The following ABCB7 variants were observed in gnomAD, a reference collection of about 807,000 sequenced individuals.
ABCB7 encodes the protein ATP binding cassette subfamily B member 7, also known as iron-sulfur clusters transporter ABCB7, mitochondrial.
Under a neutral mutation model 54.4 loss-of-function variants are expected in ABCB7, and 7 were observed. The ratio of observed to expected loss-of-function variants is 0.13; its 90% CI spans 0.07 to 0.24. ABCB7 has a LOEUF of 0.24. Ranked by LOEUF, ABCB7 falls within the 10% of genes least tolerant of loss-of-function variation. ABCB7 has a pLI of 1.00. For missense variants in ABCB7, 356 were observed against 570.4 expected (o/e 0.62, Z 3.83); for synonymous variants, 218 against 207.1 (o/e 1.05, Z -0.45).
chrX:75,081,289 AG>A (rs1263902944), intron 4 of ABCB7, among the ~76,000 whole-genome samples: 1 of 112,150 alleles, frequency 8.9e-6, no homozygotes, highest in Non-Finnish European at 1.9e-5. Flanking sequence ...CCATCATAAA[AG>A]TGCTTCCAGG....
chrX:75,106,726 G>A (rs1293172639), intron 3 of ABCB7, among the ~76,000 whole-genome samples: 1 of 111,607 alleles, frequency 9.0e-6, no homozygotes, highest in Non-Finnish European at 1.9e-5. Flanking sequence ...TACTAGCAAA[G>A]TAATGGAATC....
At chrX:75,075,278 G>A in intron 6 of ABCB7, 84 bp downstream of exon 6, 2 of 1,087,959 alleles carry the variant, frequency 1.8e-6, no homozygotes, top group South Asian at 4.0e-5. Context: ...CCATGGGCAT[G>A]CAACAGTACA....
chrX:75,055,455 C>T (rs1371332187), intron 15 of ABCB7, among the ~76,000 whole-genome samples: 2 of 105,188 alleles, frequency 1.9e-5, no homozygotes, highest in Admixed American at 2.1e-4. Context: ...GCCTGTAATC[C>T]CAGTTCTTTG....
intron 14 of ABCB7, among the ~76,000 whole-genome samples, chrX:75,061,214 G>A (rs1400252259): frequency 9.0e-6 from 1 of 111,387 alleles, no homozygotes; most frequent in African/African-American, 3.3e-5. Flanking sequence ...ACATCCTACT[G>A]AAGACTCTGG....
At chrX:75,097,130 T>C (rs1440654313) in intron 4 of ABCB7, among the ~76,000 whole-genome samples, 1 of 111,767 alleles carries the variant, frequency 8.9e-6, no homozygotes, top group South Asian at 3.7e-4. Flanking sequence ...ATTAAATACA[T>C]TTTTCTGTCT....
intron 12 of ABCB7, among the ~76,000 whole-genome samples, chrX:75,065,902 A>G (rs747106553): frequency 9.1e-4 from 102 of 111,511 alleles, no homozygotes; most frequent in Non-Finnish European, 4.3e-4. Context: ...AGTTCCTCAT[A>G]TACTCAGAAA....
At chrX:75,144,681 A>C (rs1341718780) in intron 1 of ABCB7, among the ~76,000 whole-genome samples, 2 of 106,993 alleles carry the variant, frequency 1.9e-5, no homozygotes, top group Non-Finnish European at 3.9e-5. Flanking sequence ...CTGTTTTTGT[A>C]ATTTTTTTTA....
intron 1 of ABCB7, among the ~76,000 whole-genome samples, chrX:75,126,818 T>C (rs2081934419): frequency 9.0e-6 from 1 of 111,141 alleles, no homozygotes; most frequent in Admixed American, 9.5e-5. Context: ...AAGAAATGGA[T>C]AAAATCCTGG....
At chrX:75,129,281 T>C (rs2081957577) in intron 1 of ABCB7, among the ~76,000 whole-genome samples, 1 of 110,953 alleles carries the variant, frequency 9.0e-6, no homozygotes, top group Non-Finnish European at 1.9e-5. Context: ...AAAGGATGAG[T>C]TAATGTCCTT....
Position 75,098,947 on chromosome X carries a change from C to T in ABCB7, c.448G>A (p.Ala150Thr), listed in dbSNP as rs139675334. The change falls in exon 4 of 16, where the codon GCA (alanine) becomes ACA (threonine). Residue 150 changes from alanine to threonine, a missense_variant. Physicochemically the swap from Ala to Thr is moderately conservative, Grantham distance 58 (BLOSUM62 0). Around this residue, in one of 2 missense-constraint regions of ABCB7, gnomAD observed 241 missense variants for 470.9 expected, o/e 0.51. Transcript: ENST00000373394. ...VAISLGFLGG[A>T]KAMNIVVPFM... ...AACAATGCATAATTTCTTACCTTTG[C>T]ACCACCCAAAAATCCCAGCGAAATG... 1.7e-6 allele frequency: 2 copies of T among 1,211,432 alleles called. No homozygotes were observed. The highest frequency in any genetic ancestry group is 2.2e-6 in the Non-Finnish European group (2 of 895,285).
At chrX:75,059,820 T>C (rs1270393543) in intron 15 of ABCB7, among the ~76,000 whole-genome samples, 3 of 111,765 alleles carry the variant, frequency 2.7e-5, no homozygotes, top group Admixed American at 1.9e-4. Flanking sequence ...ACCACTTTAT[T>C]TTATGGTAAT....
intron 4 of ABCB7, among the ~76,000 whole-genome samples, chrX:75,077,225 T>TACC (rs2147473103): frequency 8.9e-6 from 1 of 112,205 alleles, no homozygotes; most frequent in East Asian, 2.8e-4. Flanking sequence ...ATTCACCATT[T>TACC]GAAAAAACAT....
intron 1 of ABCB7, among the ~76,000 whole-genome samples, chrX:75,129,130 T>C (rs147290756): frequency 0.036 from 4,073 of 111,725 alleles, 77 homozygotes; most frequent in South Asian, 0.13. Flanking sequence ...CATGCTACTA[T>C]AAAGACACAT....
chrX:75,118,480 C>A (rs928390014), intron 1 of ABCB7, among the ~76,000 whole-genome samples: 14 of 108,862 alleles, frequency 1.3e-4, no homozygotes, highest in African/African-American at 4.7e-4. Context: ...GCCTGGGACT[C>A]CTTAGGAAAA....
rs1323418046 is a variant in ABCB7 at position 75,107,040 on chromosome X, G to A, written c.333+5846C>T. The stretch of plus-strand genomic sequence containing the variant: ...CGCAGAAGCAGTGGTGTGGTGTGGA[G>A]AGCATCTCTGGGTGCTGGAAGCGGG... On this transcript the variant is annotated intron_variant, in intron 3 of 15. Transcript: ENST00000373394. Among the ~76,000 whole-genome samples the A allele has an allele frequency of 3.6e-5, 4 of 111,019 alleles. 1 individual carries two copies. The Admixed American group carries it at 3.8e-4, about 11-fold the overall frequency.
intron 9 of ABCB7, among the ~76,000 whole-genome samples, chrX:75,070,952 C>G (rs1270539723): frequency 9.1e-6 from 1 of 110,136 alleles, no homozygotes; most frequent in East Asian, 2.8e-4. Context: ...AATGAAACAA[C>G]AACAACAACA....
intron 3 of ABCB7, among the ~76,000 whole-genome samples, chrX:75,104,047 G>GTTTTTTTGTTTTTT (rs2081663659): frequency 2.0e-3 from 27 of 13,448 alleles, no homozygotes; most frequent in East Asian, 7.2e-3. Flanking sequence ...TCTTGTTACA[G>GTTTTTTTGTTTTTT]TTTTTTTTTT....
intron 1 of ABCB7, among the ~76,000 whole-genome samples, chrX:75,152,576 G>A (rs1389577194): frequency 8.9e-6 from 1 of 112,094 alleles, no homozygotes; most frequent in Admixed American, 9.4e-5. Context: ...TCCTGCAAAT[G>A]AAGTCCACAT....
chrX:75,082,112 A>C, intron 4 of ABCB7, among the ~76,000 whole-genome samples: 1 of 111,634 alleles, frequency 9.0e-6, no homozygotes, highest in Non-Finnish European at 1.9e-5. Flanking sequence ...TGAGTAACCC[A>C]AATGTGGATA....
Sources: allele counts gnomAD v4.1 joint callset (sites outside exome capture counted in the v4.1 genomes callset), GRCh38; gene constraint gnomAD v4.1.1; regional missense constraint gnomAD v4.1.1; transcripts MANE v1.5; gene names NCBI Gene and HGNC (gene_info 2026-07-23, HGNC 2026-07-21).